Variants in GMPR observed in about 807,000 individuals in gnomAD.
The protein encoded by GMPR is guanosine monophosphate reductase, also known as GMP reductase 1.
GMPR carries 31 observed loss-of-function variants against 38.4 expected under a neutral mutation model. The ratio of observed to expected loss-of-function variants is 0.81; its 90% CI spans 0.61 to 1.09. GMPR has a LOEUF of 1.09. Among genes scored for constraint, GMPR ranks in the 50% least tolerant of loss-of-function variants. The pLI, the probability that GMPR is intolerant of heterozygous loss-of-function variation, is 0.00. For synonymous variants in GMPR, 162 were observed against 173.3 expected, an observed-to-expected ratio of 0.93 and a Z score of 0.51; for missense variants, 468 against 453.7, an observed-to-expected ratio of 1.03 and a Z score of -0.29.
At chr6:16,284,285 A>G (rs1188093057) in intron 6 of GMPR, among the ~76,000 whole-genome samples, 1 of 152,222 alleles carries the variant, frequency 6.6e-6, no homozygotes, top group African/African-American at 2.4e-5. Context: ...TCACTGGTAG[A>G]TAGAGAAAGG....
In GMPR at chr6:16,278,773, T is replaced by C. The variant is rs1759523669; in HGVS notation, c.548-11T>C. On this transcript the variant is annotated splice_polypyrimidine_tract_variant and intron_variant, in intron 5 of 8. Transcript: ENST00000259727. The stretch of plus-strand genomic sequence containing the variant: ...ACCATCTATTTGGGGACAACTTCTT[T>C]CTCTGTGCAGGTTCTGTGTGCACCA... The C allele has an allele frequency of 1.3e-6, 2 of 1,593,730 alleles. No individual in the cohort carries two copies. The highest frequency in any genetic ancestry group is 1.3e-5 in the African/African-American group (1 of 74,564).
At chr6:16,253,268 G>T (rs1053499494) in intron 3 of GMPR, among the ~76,000 whole-genome samples, 1 of 152,242 alleles carries the variant, frequency 6.6e-6, no homozygotes, top group Non-Finnish European at 1.5e-5. Flanking sequence ...TTGCAATTCT[G>T]TGTACAGGTT....
At chr6:16,277,539 G>C (rs749985241) in intron 5 of GMPR, among the ~76,000 whole-genome samples, 62 of 152,130 alleles carry the variant, frequency 4.1e-4, no homozygotes, top group Admixed American at 8.5e-4. Flanking sequence ...CAGGGATGTG[G>C]GTGACTCATT....
chr6:16,284,661 C>A (rs894459056), intron 6 of GMPR, among the ~76,000 whole-genome samples: 1 of 152,096 alleles, frequency 6.6e-6, no homozygotes, highest in South Asian at 2.1e-4. Flanking sequence ...CCTTGAATTG[C>A]GCCCAGGCTA....
chr6:16,263,031 C>G (rs538281223), intron 4 of GMPR: 1 of 151,794 alleles, frequency 6.6e-6, no homozygotes, highest in African/African-American at 2.4e-5. Flanking sequence ...GGACCTAGCT[C>G]GGCCTGGCGA....
intron 4 of GMPR, chr6:16,262,671 A>C (rs1272901246): frequency 6.6e-6 from 1 of 151,990 alleles, no homozygotes; most frequent in Non-Finnish European, 1.5e-5. Context: ...AGTTTTCTTT[A>C]ATGTCGGGAG....
chr6:16,284,992 C>G (rs1479582120), intron 6 of GMPR, among the ~76,000 whole-genome samples: 1 of 139,552 alleles, frequency 7.2e-6, no homozygotes, highest in South Asian at 2.3e-4. Flanking sequence ...ACACTCCAGC[C>G]TGGGCGACAA....
At chr6:16,240,517 TC>T (rs1229539189) in intron 1 of GMPR, among the ~76,000 whole-genome samples, 1 of 152,190 alleles carries the variant, frequency 6.6e-6, no homozygotes, top group African/African-American at 2.4e-5. Flanking sequence ...TCACCTGTAG[TC>T]CCAGCTACTT....
At chr6:16,254,536 T>C in intron 3 of GMPR, 26 bp from the exon 4 acceptor site, 2 of 1,606,130 alleles carry the variant, frequency 1.2e-6, no homozygotes, top group Non-Finnish European at 1.7e-6. Context: ...TGTTTATGCC[T>C]GTCTTCTTGG....
chr6:16,266,179 CT>C (rs1759214876), intron 4 of GMPR, among the ~76,000 whole-genome samples: 3 of 80,550 alleles, frequency 3.7e-5, no homozygotes, highest in Non-Finnish European at 6.6e-5. Context: ...AGCTGTAACA[CT>C]TGCCATCTTT....
At chr6:16,266,470 C>CGGACGTGCCACCTTTAAGAG (rs1561827378) in intron 4 of GMPR, among the ~76,000 whole-genome samples, 3 of 95,420 alleles carry the variant, frequency 3.1e-5, no homozygotes, top group African/African-American at 1.5e-4. Flanking sequence ...TGTAACACTT[C>CGGACGTGCCACCTTTAAGAG]CTGTGGAAAA....
intron 8 of GMPR, among the ~76,000 whole-genome samples, chr6:16,294,070 G>A (rs1759888205): frequency 6.6e-6 from 1 of 152,212 alleles, no homozygotes; most frequent in African/African-American, 2.4e-5. Flanking sequence ...GTGTTACCTG[G>A]TGGCTTTGTG....
rs754410774 is a variant in GMPR at position 16,254,691 on chromosome 6, T to C, written c.421T>C (p.Phe141Leu). 1.2e-6 allele frequency: 2 copies of C among 1,614,034 alleles called. No individual in the cohort carries two copies. The change falls in exon 4 of 9, where the codon TTC (phenylalanine) becomes CTC (leucine). Residue 141 changes from phenylalanine to leucine, a missense_variant. Coordinates refer to ENST00000259727, the MANE Select transcript of GMPR (RefSeq NM_006877.4). ...ANGYSEHFVE[F>L]VKLVRAKFPE... Reference sequence around the variant, plus strand: ...TGGGTATTCAGAACATTTTGTGGAATTCGTGAAACTTGTCCGTGCCAAATT... The same window carrying C: ...TGGGTATTCAGAACATTTTGTGGAACTCGTGAAACTTGTCCGTGCCAAATT...
At chr6:16,288,665 C>A (rs1011694773) in intron 7 of GMPR, among the ~76,000 whole-genome samples, 1 of 152,242 alleles carries the variant, frequency 6.6e-6, no homozygotes, top group Non-Finnish European at 1.5e-5. Context: ...GACTGGTGGG[C>A]AGCTCCATCT....
chr6:16,238,882 TG>T, intron 1 of GMPR, 102 bp downstream of exon 1: 1 of 468,866 alleles, frequency 2.1e-6, no homozygotes, highest in Non-Finnish European at 3.7e-6. Flanking sequence ...CTGCCTGCTT[TG>T]GTGTTTGAGA....
At chr6:16,255,075 G>T (rs1758948719) in intron 4 of GMPR, among the ~76,000 whole-genome samples, 1 of 151,540 alleles carries the variant, frequency 6.6e-6, no homozygotes, top group Admixed American at 6.6e-5. Flanking sequence ...ACAGTGGGGT[G>T]ATCTCGGCTC....
chr6:16,240,885 T>A (rs956476684), intron 1 of GMPR, among the ~76,000 whole-genome samples: 7 of 152,098 alleles, frequency 4.6e-5, no homozygotes, highest in Non-Finnish European at 8.8e-5. Context: ...TTAACCAGCA[T>A]TGCCTTTCTA....
chr6:16,278,075 G>A (rs1196329767), intron 5 of GMPR, among the ~76,000 whole-genome samples: 1 of 152,194 alleles, frequency 6.6e-6, no homozygotes, highest in Non-Finnish European at 1.5e-5. Context: ...GGAGGGTGCT[G>A]GTGTGAGCCC....
intron 4 of GMPR, among the ~76,000 whole-genome samples, chr6:16,269,925 TC>T (rs1759348586): frequency 6.6e-6 from 1 of 152,240 alleles, no homozygotes; most frequent in Admixed American, 6.5e-5. Context: ...TAGATGGCCA[TC>T]TTTTCATTGT....
Sources: allele counts gnomAD v4.1 joint callset (sites outside exome capture counted in the v4.1 genomes callset), GRCh38; gene constraint gnomAD v4.1.1; transcripts MANE v1.5; gene names NCBI Gene and HGNC (gene_info 2026-07-23, HGNC 2026-07-21).